Variants in PHACTR1 observed in about 807,000 individuals in gnomAD.
PHACTR1 encodes RPEL repeat containing 1.
In PHACTR1, 16 loss-of-function variants were observed where a neutral mutation model predicts 69.2. The observed-to-expected ratio is 0.23, with a 90% confidence interval of 0.16 to 0.35. The LOEUF is 0.35. PHACTR1 is among the 10% of genes least tolerant of loss of function. The pLI is 1.00. For missense variants in PHACTR1, 510 were observed against 734.7 expected, an observed-to-expected ratio of 0.69 and a Z score of 3.54; for synonymous variants, 312 against 284.5, an observed-to-expected ratio of 1.10 and a Z score of -0.97.
At chr6:12,944,574 G>C (rs1266072588) in intron 4 of PHACTR1, among the ~76,000 whole-genome samples, 1 of 152,130 alleles carries the variant, frequency 6.6e-6, no homozygotes, top group Non-Finnish European at 1.5e-5. Flanking sequence ...GTGGGTATGT[G>C]TGTAGCTCTG....
intron 7 of PHACTR1, among the ~76,000 whole-genome samples, chr6:13,189,218 A>C (rs948223407): frequency 6.6e-6 from 1 of 152,164 alleles, no homozygotes; most frequent in African/African-American, 2.4e-5. Flanking sequence ...ATACTCTTTG[A>C]TATTGTTATC....
intron 3 of PHACTR1, among the ~76,000 whole-genome samples, chr6:12,741,362 T>C (rs2127585492): frequency 6.6e-6 from 1 of 152,188 alleles, no homozygotes; most frequent in South Asian, 2.1e-4. Flanking sequence ...TATTAACCTT[T>C]AATAATATTT....
intron 4 of PHACTR1, among the ~76,000 whole-genome samples, chr6:12,803,977 T>C (rs1300027361): frequency 6.6e-6 from 1 of 152,160 alleles, no homozygotes; most frequent in Non-Finnish European, 1.5e-5. Context: ...AATTATCAAT[T>C]GGTCCTCGGC....
At chr6:12,725,792 A>G (rs1011884920) in intron 3 of PHACTR1, among the ~76,000 whole-genome samples, 1 of 152,194 alleles carries the variant, frequency 6.6e-6, no homozygotes, top group Non-Finnish European at 1.5e-5. Context: ...CATCCTTCTT[A>G]TACAGTAGAA....
chr6:12,922,591 A>G (rs1429665419), intron 4 of PHACTR1, among the ~76,000 whole-genome samples: 1 of 152,204 alleles, frequency 6.6e-6, no homozygotes, highest in Non-Finnish European at 1.5e-5. Flanking sequence ...AAACAAGAAC[A>G]TATATCTCCT....
intron 4 of PHACTR1, among the ~76,000 whole-genome samples, chr6:13,013,673 C>T (rs1050593228): frequency 1.4e-4 from 21 of 152,126 alleles, no homozygotes; most frequent in African/African-American, 5.1e-4. Flanking sequence ...CCTGCCTACC[C>T]CCTCCTCCGG....
At chr6:13,135,529 T>G (rs1440388248) in intron 5 of PHACTR1, among the ~76,000 whole-genome samples, 2 of 152,234 alleles carry the variant, frequency 1.3e-5, no homozygotes, top group African/African-American at 2.4e-5. Flanking sequence ...CTGAGAAGAC[T>G]TTTCATCTGG....
At chr6:13,142,225 C>T (rs1197404025) in intron 5 of PHACTR1, among the ~76,000 whole-genome samples, 2 of 152,182 alleles carry the variant, frequency 1.3e-5, no homozygotes, top group African/African-American at 2.4e-5. Flanking sequence ...GACTCAGCCT[C>T]CCCAGTAGCT....
chr6:13,175,306 G>A (rs1008776929), intron 6 of PHACTR1, among the ~76,000 whole-genome samples: 2 of 152,148 alleles, frequency 1.3e-5, no homozygotes, highest in Non-Finnish European at 2.9e-5. Flanking sequence ...GGGTGGGGGC[G>A]CTTTTTCTCA....
intron 10 of PHACTR1, among the ~76,000 whole-genome samples, chr6:13,232,751 A>C (rs1771418396): frequency 6.8e-6 from 1 of 146,002 alleles, no homozygotes; most frequent in African/African-American, 2.5e-5. Flanking sequence ...CTCGGTTCTG[A>C]GGGTGGTTGG....
At chr6:12,841,412 G>A (rs1423270786) in intron 4 of PHACTR1, among the ~76,000 whole-genome samples, 1 of 152,102 alleles carries the variant, frequency 6.6e-6, no homozygotes, top group Non-Finnish European at 1.5e-5. Context: ...TAAATTCTAG[G>A]AAACTCTCAT....
chr6:13,243,324 A>G (rs73725638), intron 10 of PHACTR1, among the ~76,000 whole-genome samples: 2,117 of 152,140 alleles, frequency 0.014, 42 homozygotes, highest in African/African-American at 0.047. Flanking sequence ...AACAGCCACA[A>G]AGATGTGTCA....
intron 4 of PHACTR1, among the ~76,000 whole-genome samples, chr6:12,880,861 C>T (rs543145807): frequency 3.3e-4 from 49 of 146,564 alleles, no homozygotes; most frequent in Non-Finnish European, 6.5e-4. Flanking sequence ...GTTCGCGGAA[C>T]AGGCAAGCTG....
intron 5 of PHACTR1, among the ~76,000 whole-genome samples, chr6:13,103,944 C>T (rs1815620077): frequency 6.6e-6 from 1 of 152,146 alleles, no homozygotes; most frequent in Non-Finnish European, 1.5e-5. Context: ...ATTAGTTGGG[C>T]ATGGTGGCAC....
intron 4 of PHACTR1, among the ~76,000 whole-genome samples, chr6:12,994,687 T>A (rs1797217202): frequency 6.6e-6 from 1 of 152,132 alleles, no homozygotes; most frequent in African/African-American, 2.4e-5. Context: ...GCTACTATAA[T>A]ATACAGTTAA....
At position 13,283,634 on chromosome 6, in the gene PHACTR1, G is replaced by T; in HGVS notation, c.1650+72G>T. ...GGGTCTCGCTGGGCTCACCGCTGGG[G>T]AGCGTGTAGGGAGACCTGCAGCCAG... On this transcript the variant is annotated intron_variant, in intron 13 of 14. Transcript: ENST00000332995. This position sits in a 1 kb window ranked among gnomAD's most constrained non-coding sequence, Gnocchi z 4.7. The T allele has an allele frequency of 6.2e-7, 1 of 1,609,618 alleles. No homozygotes were observed. The highest frequency in any genetic ancestry group is 1.1e-5 in the South Asian group (1 of 90,748).
chr6:13,081,242 A>G (rs763316079), intron 5 of PHACTR1, among the ~76,000 whole-genome samples: 13 of 152,166 alleles, frequency 8.5e-5, no homozygotes, highest in Non-Finnish European at 1.6e-4. Context: ...TTCTACTAGA[A>G]GATGAACTCC....
intron 7 of PHACTR1, chr6:13,184,860 C>T: frequency 7.3e-7 from 1 of 1,366,600 alleles, no homozygotes; most frequent in Non-Finnish European, 9.8e-7. Context: ...ATCCTTCAGC[C>T]AAACCAGTCC....
chr6:13,159,207 G>A (rs1041398701), intron 5 of PHACTR1, among the ~76,000 whole-genome samples: 18 of 152,274 alleles, frequency 1.2e-4, no homozygotes, highest in African/African-American at 4.1e-4. Context: ...TGGGGCCATG[G>A]TGGAGGTGCA....
Sources: gnomAD v4.1 joint callset for allele counts (sites outside exome capture counted in the v4.1 genomes callset) on GRCh38, gnomAD v4.1.1 for gene constraint, Gnocchi (gnomAD v3.1) non-coding constraint, MANE v1.5 for transcripts, NCBI Gene and HGNC (gene_info 2026-07-23, HGNC 2026-07-21) for gene names.